Variants in TCF4 observed in about 807,000 individuals in gnomAD.
TCF4 encodes SL3-3 enhancer factor 2.
In TCF4, 3 loss-of-function variants were observed where a neutral mutation model predicts 82.1. The ratio of observed to expected loss-of-function variants is 0.04; its 90% CI spans 0.02 to 0.09. The LOEUF (loss-of-function observed/expected upper bound fraction) is 0.09. TCF4 is among the 10% of genes least tolerant of loss of function. The pLI is 1.00. For synonymous variants in TCF4, 276 were observed against 309.6 expected (o/e 0.89, Z 1.14); for missense variants, 518 against 852.7 (o/e 0.61, Z 4.89).
At chr18:55,322,426 A>C in intron 8 of TCF4, 1 of 356,946 alleles carries the variant, frequency 2.8e-6, no homozygotes, top group Non-Finnish European at 3.5e-6. Flanking sequence ...GGGAGGGAAG[A>C]AAAAAAAAAA....
chr18:55,537,571 TGA>T (rs79848930), intron 3 of TCF4, among the ~76,000 whole-genome samples: 28,152 of 151,848 alleles, frequency 0.19, 3,304 homozygotes, highest in Non-Finnish European at 0.27. Context: ...CCAGCCTGAG[TGA>T]GAGTGAGACC....
Position 55,269,862 on chromosome 18 carries a change from C to A in TCF4, c.891G>T (p.Thr297=). Reference sequence around the variant, plus strand: ...TACTGTCTGTCCCGTTGGCAGGAGGCGTACAGGAAGAGGTGCTGTAATGGT... The same window carrying A: ...TACTGTCTGTCCCGTTGGCAGGAGGAGTACAGGAAGAGGTGCTGTAATGGT... ...GTNHYSTSSC[T]PPANGTDSIM... is the part of the protein sequence containing the mutation. Residue 297 remains threonine, a synonymous_variant, in exon 11 of 20, where the codon ACG becomes ACT. Transcript: ENST00000354452. The A allele has an allele frequency of 6.2e-7, 1 of 1,613,092 alleles. No individual in the cohort carries two copies. The highest frequency in any genetic ancestry group is 8.5e-7 in the Non-Finnish European group (1 of 1,179,434).
intron 11 of TCF4, 101 bp downstream of exon 11, chr18:55,269,729 AG>A (rs1290532965): frequency 7.1e-7 from 1 of 1,415,758 alleles, no homozygotes; most frequent in Non-Finnish European, 9.9e-7. Flanking sequence ...ACTAATATTT[AG>A]TGCCTAATTG....
At chr18:55,341,975 A>G (rs2080075610) in intron 8 of TCF4, among the ~76,000 whole-genome samples, 1 of 152,242 alleles carries the variant, frequency 6.6e-6, no homozygotes, top group Admixed American at 6.5e-5. Context: ...CACGATTTAA[A>G]TAAGAATACA....
intron 5 of TCF4, among the ~76,000 whole-genome samples, chr18:55,439,025 A>G (rs952009458): frequency 1.3e-5 from 2 of 152,150 alleles, no homozygotes; most frequent in African/African-American, 2.4e-5. Context: ...TAGAGATGGG[A>G]GTTATCAGCC....
chr18:55,602,397 T>C (rs897248354), intron 2 of TCF4, among the ~76,000 whole-genome samples: 9 of 152,218 alleles, frequency 5.9e-5, no homozygotes, highest in African/African-American at 1.9e-4. Flanking sequence ...ACTAATCTTG[T>C]TCCAATTTTT....
intron 3 of TCF4, among the ~76,000 whole-genome samples, chr18:55,532,970 C>CA (rs2097080963): frequency 6.6e-6 from 1 of 151,952 alleles, no homozygotes; most frequent in Non-Finnish European, 1.5e-5. Context: ...TGGAAAAAAA[C>CA]AAAAAATCAC....
At chr18:55,322,988 G>A (rs985863570) in intron 8 of TCF4, among the ~76,000 whole-genome samples, 3 of 152,164 alleles carry the variant, frequency 2.0e-5, no homozygotes, top group Admixed American at 6.5e-5. Context: ...CTTTAAGAAC[G>A]TGAAAACCTT....
intron 15 of TCF4, among the ~76,000 whole-genome samples, chr18:55,238,449 C>A (rs2050203747): frequency 6.6e-6 from 1 of 152,124 alleles, no homozygotes; most frequent in Non-Finnish European, 1.5e-5. Flanking sequence ...TTGGGAGACA[C>A]TGGGGATAGA....
intron 2 of TCF4, among the ~76,000 whole-genome samples, chr18:55,622,141 C>T (rs568158192): frequency 1.7e-4 from 24 of 144,318 alleles, no homozygotes; most frequent in Admixed American, 2.9e-4. Context: ...AGCCCTCATC[C>T]TTCAAGATTA....
chr18:55,467,393 T>A (rs530461954), intron 3 of TCF4, among the ~76,000 whole-genome samples: 1 of 152,296 alleles, frequency 6.6e-6, no homozygotes, highest in South Asian at 2.1e-4. Flanking sequence ...ATGCCCATTT[T>A]TAAATTGGCT....
chr18:55,402,756 T>C (rs2093897600), intron 6 of TCF4, among the ~76,000 whole-genome samples: 1 of 152,208 alleles, frequency 6.6e-6, no homozygotes, highest in South Asian at 2.1e-4. Flanking sequence ...TTTTTAGAAA[T>C]AGGCTCTCTC....
intron 5 of TCF4, among the ~76,000 whole-genome samples, chr18:55,435,869 T>A (rs2095319273): frequency 6.6e-6 from 1 of 152,220 alleles, no homozygotes; most frequent in Non-Finnish European, 1.5e-5. Context: ...TCTTGGCCTG[T>A]TCACTACATC....
At chr18:55,264,084 C>A (rs115507192) in intron 11 of TCF4, among the ~76,000 whole-genome samples, 1 of 151,954 alleles carries the variant, frequency 6.6e-6, no homozygotes, top group Admixed American at 6.6e-5. Context: ...TAAATATATA[C>A]GCCCCAAAAA....
chr18:55,339,389 C>A (rs927728313), intron 8 of TCF4, among the ~76,000 whole-genome samples: 1 of 152,116 alleles, frequency 6.6e-6, no homozygotes, highest in Non-Finnish European at 1.5e-5. Flanking sequence ...AAAGCCAAAT[C>A]GAAATGGAAG....
intron 3 of TCF4, among the ~76,000 whole-genome samples, chr18:55,484,935 A>T (rs1250979560): frequency 2.0e-5 from 3 of 152,124 alleles, no homozygotes; most frequent in Non-Finnish European, 4.4e-5. Flanking sequence ...AGGTGACCTC[A>T]TTTCCAGTTC....
chr18:55,530,517 T>A (rs1237846539), intron 3 of TCF4, among the ~76,000 whole-genome samples: 1 of 111,758 alleles, frequency 8.9e-6, no homozygotes, highest in Non-Finnish European at 1.6e-5. Context: ...GGTAAAGGAA[T>A]AGCATTATGC....
At chr18:55,300,719 C>T (rs1006407631) in intron 8 of TCF4, among the ~76,000 whole-genome samples, 6 of 152,164 alleles carry the variant, frequency 3.9e-5, no homozygotes, top group East Asian at 1.9e-4. Flanking sequence ...CAACCACTCT[C>T]GCGGCACCCT....
chr18:55,562,555 C>T (rs112945363), intron 3 of TCF4, among the ~76,000 whole-genome samples: 2,035 of 152,286 alleles, frequency 0.013, 23 homozygotes, highest in Non-Finnish European at 0.02. Context: ...GGGCAGCCCC[C>T]TCTCTATCTC....
Sources: gnomAD v4.1 joint callset for allele counts (sites outside exome capture counted in the v4.1 genomes callset) on GRCh38, gnomAD v4.1.1 for gene constraint, MANE v1.5 for transcripts, NCBI Gene and HGNC (gene_info 2026-07-23, HGNC 2026-07-21) for gene names.